The following G3BP2 variants were observed in gnomAD, a reference collection of about 807,000 sequenced individuals.
The protein encoded by G3BP2 is G3BP stress granule assembly factor 2.
Under a neutral mutation model 56.7 loss-of-function variants are expected in G3BP2, and 11 were observed. The observed-to-expected ratio is 0.19, with a 90% CI of 0.12 to 0.32. The LOEUF (loss-of-function observed/expected upper bound fraction) is 0.32, where lower values mean the gene tolerates loss of function less well. G3BP2 is among the 10% of genes least tolerant of loss of function. The pLI is 1.00. For missense variants in G3BP2, 340 were observed against 610.9 expected (o/e 0.56, Z 4.67); for synonymous variants, 165 against 191.6 (o/e 0.86, Z 1.15).
At chr4:75,683,136 T>C (rs1734146847) in intron 3 of G3BP2, among the ~76,000 whole-genome samples, 1 of 152,196 alleles carries the variant, frequency 6.6e-6, no homozygotes, top group South Asian at 2.1e-4. Context: ...TTTCTAGGTG[T>C]AACCACTTCC....
intron 3 of G3BP2, among the ~76,000 whole-genome samples, chr4:75,697,932 T>TCAAA (rs56793255): frequency 0.88 from 132,476 of 151,346 alleles, 57,999 homozygotes; most frequent in East Asian, 0.91. Flanking sequence ...AAACTTCATC[T>TCAAA]CAAACAAACA....
rs976302917 is a variant in G3BP2 at position 75,687,667 on chromosome 4, T to C, written c.-24-25618A>G. On this transcript the variant is annotated intron_variant, in intron 3 of 3. Coordinates refer to the G3BP2 transcript ENST00000499709. ...AAATGTGAGGGCTAAACATCATTGC[T>C]AATTTTATGGGCACACATGTAGGCT... Among the ~76,000 whole-genome samples the C allele has an allele frequency of 3.3e-5, 5 of 152,364 alleles. No homozygotes were observed. The East Asian group carries it at 9.6e-4, about 29-fold the overall frequency.
rs1730983741 is a variant in G3BP2 at position 75,643,291 on chromosome 4, G to GA, written c.*2138dup. On this transcript the variant is annotated 3_prime_UTR_variant, in exon 12 of 12. Transcript: ENST00000359707. ...GATGGCAGGGCAATATCCTGAATTG[G>GA]AAATTATATATATATATATATATAT... The GA allele has an allele frequency of 3.1e-5, 2 of 64,308 alleles. No homozygotes were observed. The highest frequency in any genetic ancestry group is 6.3e-5 in the African/African-American group (1 of 15,778). 4.0% of individuals were successfully genotyped at this position (64,308 alleles called of 1,614,324 possible). A position where few individuals can be genotyped will look rare whatever the true frequency, so the allele number is the denominator to read the frequency against.
At chr4:75,698,118 T>G (rs1424974535) in intron 3 of G3BP2, among the ~76,000 whole-genome samples, 2 of 152,206 alleles carry the variant, frequency 1.3e-5, no homozygotes, top group African/African-American at 4.8e-5. Context: ...AAAAAGGGAC[T>G]TTGCAGCTAT....
chr4:75,648,170 A>C (rs1289275330), intron 9 of G3BP2, among the ~76,000 whole-genome samples: 4 of 152,046 alleles, frequency 2.6e-5, no homozygotes, highest in Admixed American at 2.0e-4. Context: ...CAACATGGTG[A>C]AACCCTGTCT....
chr4:75,673,463 G>C, upstream of G3BP2: 1 of 1,232,180 alleles, frequency 8.1e-7, no homozygotes, highest in Non-Finnish European at 1.0e-6. Context: ...CTGCCGAAAG[G>C]GCCAGGGAAC....
At chr4:75,717,502 C>A (rs1443690910) in intron 3 of G3BP2, among the ~76,000 whole-genome samples, 1 of 152,142 alleles carries the variant, frequency 6.6e-6, no homozygotes, top group East Asian at 1.9e-4. Flanking sequence ...CCTCCTGCCA[C>A]AAATACTTGC....
chr4:75,673,598 G>T (rs781046098), upstream of G3BP2: 1 of 1,231,734 alleles, frequency 8.1e-7, no homozygotes, highest in Non-Finnish European at 1.0e-6. Flanking sequence ...GGAAAGCCGG[G>T]GAACCGGAAC....
chr4:75,655,996 T>A, intron 5 of G3BP2, 126 bp from the exon 6 acceptor site: 1 of 476,366 alleles, frequency 2.1e-6, no homozygotes, highest in South Asian at 2.7e-5. Flanking sequence ...TTCTTTCCTT[T>A]TTTTTTTTTT....
chr4:75,657,313 T>C (rs1371259945), intron 4 of G3BP2, among the ~76,000 whole-genome samples: 1 of 152,218 alleles, frequency 6.6e-6, no homozygotes, highest in Non-Finnish European at 1.5e-5. Context: ...CTTTCAAATA[T>C]ACCAATATAT....
intron 1 of G3BP2, chr4:75,662,569 T>C (rs1702085962): frequency 6.6e-6 from 1 of 152,318 alleles, no homozygotes. Flanking sequence ...ACAAAATTAA[T>C]GCCACTATTA....
At chr4:75,674,719 T>TA (rs57822618), upstream of G3BP2, among the ~76,000 whole-genome samples, 3,451 of 48,740 alleles carry the variant, frequency 0.071, 83 homozygotes, top group Non-Finnish European at 0.082. Context: ...TATATATATA[T>TA]TTTTTTTTTT....
chr4:75,665,776 T>C (rs1732991739), intron 1 of G3BP2, among the ~76,000 whole-genome samples: 2 of 152,054 alleles, frequency 1.3e-5, no homozygotes, highest in South Asian at 2.1e-4. Context: ...AACTAAAACA[T>C]GGAAATTATA....
In G3BP2 at chr4:75,672,906, C is replaced by A. The variant is rs146756302; in HGVS notation, c.-25+302G>T. 5.9e-4 allele frequency: 394 copies of A among 663,964 alleles called. 4 individuals carry two copies. The South Asian group carries it at 9.6e-3, about 16-fold the overall frequency. 41.1% of individuals were successfully genotyped at this position (663,964 alleles called of 1,614,324 possible). A position where few individuals can be genotyped will look rare whatever the true frequency, so the allele number is the denominator to read the frequency against. On this transcript the variant is annotated intron_variant, in intron 1 of 11. Coordinates refer to ENST00000359707, the MANE Select transcript of G3BP2 (RefSeq NM_203505.3). The stretch of plus-strand genomic sequence containing the variant: ...GGGAGCTGCTGCGTGCCTCCCCCCC[C>A]ACTTCGCCACCTCATCCCCAATAAA...
At chr4:75,702,334 G>A (rs1366320937) in intron 3 of G3BP2, among the ~76,000 whole-genome samples, 1 of 152,052 alleles carries the variant, frequency 6.6e-6, no homozygotes, top group Non-Finnish European at 1.5e-5. Flanking sequence ...TGTAGAGATG[G>A]GGTTTTGCCA....
At chr4:75,689,780 T>C (rs1218383114) in intron 3 of G3BP2, among the ~76,000 whole-genome samples, 2 of 152,232 alleles carry the variant, frequency 1.3e-5, no homozygotes, top group Non-Finnish European at 2.9e-5. Context: ...CATCAAAGAC[T>C]GTCTTGGCTA....
chr4:75,670,743 G>T (rs1052813577), intron 1 of G3BP2, among the ~76,000 whole-genome samples: 8 of 150,486 alleles, frequency 5.3e-5, no homozygotes, highest in Non-Finnish European at 1.0e-4. Flanking sequence ...AAAGGTGTTT[G>T]GGGTTCCTCA....
intron 1 of G3BP2, among the ~76,000 whole-genome samples, chr4:75,665,982 G>C (rs1281902931): frequency 6.6e-6 from 1 of 152,128 alleles, no homozygotes; most frequent in African/African-American, 2.4e-5. Flanking sequence ...CAGGAACACT[G>C]TTGTCATTTA....
intron 3 of G3BP2, among the ~76,000 whole-genome samples, chr4:75,707,018 C>A (rs905510741): frequency 2.1e-4 from 31 of 151,212 alleles, no homozygotes; most frequent in African/African-American, 7.3e-4. Flanking sequence ...CATGGAGAAA[C>A]CCTGTCTCTA....
Sources: gnomAD v4.1 joint callset for allele counts (sites outside exome capture counted in the v4.1 genomes callset) on GRCh38, gnomAD v4.1.1 for gene constraint, MANE v1.5 for transcripts, NCBI Gene and HGNC (gene_info 2026-07-23, HGNC 2026-07-21) for gene names.